The following FMN2 variants were observed in gnomAD, a reference collection of about 807,000 sequenced individuals.
FMN2 encodes the protein formin-2.
FMN2 carries 51 observed loss-of-function variants against 142.3 expected under a neutral mutation model. The observed-to-expected ratio is 0.36, with a 90% CI of 0.29 to 0.45. The LOEUF is 0.45. Among genes scored for constraint, FMN2 ranks in the 20% least tolerant of loss-of-function variants. FMN2 has a pLI of 1.00. For missense variants in FMN2, 1,936 were observed against 2,122.8 expected (o/e 0.91, Z 1.73); for synonymous variants, 882 against 869.8 (o/e 1.01, Z -0.25).
chr1:240,095,353 A>G (rs969450032), intron 1 of FMN2, among the ~76,000 whole-genome samples: 1 of 149,616 alleles, frequency 6.7e-6, no homozygotes, highest in African/African-American at 2.5e-5. Context: ...GCAAATATAT[A>G]TATGTATATA....
At chr1:240,256,714 G>A (rs1668462041) in intron 6 of FMN2, among the ~76,000 whole-genome samples, 1 of 152,126 alleles carries the variant, frequency 6.6e-6, no homozygotes, top group South Asian at 2.1e-4. Flanking sequence ...TCGTGCCACT[G>A]CACTCCTTCC....
At chr1:240,369,171 T>G (rs892651182) in intron 14 of FMN2, among the ~76,000 whole-genome samples, 24 of 152,140 alleles carry the variant, frequency 1.6e-4, no homozygotes, top group African/African-American at 5.6e-4. Flanking sequence ...TTCTACTCTT[T>G]GTTTCTAGGC....
chr1:240,440,209 G>T lies in FMN2; in HGVS notation c.5060+1999G>T, dbSNP rs1219136447. Among the ~76,000 whole-genome samples, 6 of 152,112 alleles carry T rather than the reference G, an allele frequency of 3.9e-5. No individual in the cohort carries two copies. The East Asian group carries it at 1.2e-3, about 29-fold the overall frequency. On this transcript the variant is annotated intron_variant, in intron 16 of 17. Transcript: ENST00000319653. Reference sequence around the variant, plus strand: ...GACACCCTCCCTGTCGCTTTCTTCTGCTAGCATAGACCAGAATATAAGCTG... The same window carrying T: ...GACACCCTCCCTGTCGCTTTCTTCTTCTAGCATAGACCAGAATATAAGCTG...
In FMN2 at chr1:240,355,823, A is replaced by C. The variant is rs1672246417; in HGVS notation, c.4773A>C (p.Glu1591Asp). The change falls in exon 14 of 18, where the codon GAA becomes GAC. Residue 1591 changes from glutamate (E) to aspartate (D), a missense_variant. This residue lies in a region of FMN2 where 322 missense variants were observed against 401.6 expected (regional missense o/e 0.80). Transcript: ENST00000319653. Reference protein sequence around the residue: ...RKLKKDLKACEVEAGKVYQVS... With the variant: ...RKLKKDLKACDVEAGKVYQVS... The stretch of plus-strand genomic sequence containing the variant: ...TGTTCTGTCTAATTTCAGCCTGTGA[A>C]GTTGAAGCAGGGAAAGTATACCAGG... 3 of 1,610,882 alleles carry C rather than the reference A, an allele frequency of 1.9e-6. No homozygotes were observed.
chr1:240,264,386 T>A (rs1668726500), intron 7 of FMN2, among the ~76,000 whole-genome samples: 1 of 152,230 alleles, frequency 6.6e-6, no homozygotes, highest in Admixed American at 6.5e-5. Flanking sequence ...TATTTATTTT[T>A]ATTTTTTTAT....
At chr1:240,184,978 C>CTTT in intron 3 of FMN2, among the ~76,000 whole-genome samples, 1 of 149,106 alleles carries the variant, frequency 6.7e-6, no homozygotes, top group African/African-American at 2.5e-5. Flanking sequence ...CTATACCTTC[C>CTTT]CCTTCTCTTT....
intron 7 of FMN2, among the ~76,000 whole-genome samples, chr1:240,290,283 A>G (rs1052928588): frequency 6.6e-5 from 10 of 152,140 alleles, no homozygotes; most frequent in Admixed American, 2.6e-4. Flanking sequence ...TTCATTTTTC[A>G]TTTTTTAACA....
At chr1:240,466,119 T>C (rs1010059662) in intron 16 of FMN2, among the ~76,000 whole-genome samples, 2 of 152,212 alleles carry the variant, frequency 1.3e-5, no homozygotes, top group African/African-American at 4.8e-5. Flanking sequence ...TTGTTGGTTT[T>C]GAAAAATACC....
intron 7 of FMN2, among the ~76,000 whole-genome samples, chr1:240,279,800 AAAG>A (rs1295319539): frequency 6.6e-6 from 1 of 152,198 alleles, no homozygotes; most frequent in African/African-American, 2.4e-5. Context: ...AGAAGAGAAA[AAAG>A]AAACCTTCAT....
At chr1:240,405,308 C>T (rs556833734) in intron 15 of FMN2, among the ~76,000 whole-genome samples, 1 of 152,124 alleles carries the variant, frequency 6.6e-6, no homozygotes, top group African/African-American at 2.4e-5. Flanking sequence ...AGGATAAGGG[C>T]TAGCAAATGA....
intron 16 of FMN2, among the ~76,000 whole-genome samples, chr1:240,453,174 G>A (rs1676116724): frequency 6.6e-6 from 1 of 152,170 alleles, no homozygotes; most frequent in South Asian, 2.1e-4. Context: ...GTTAATGTTA[G>A]TTGCTGCCAT....
intron 6 of FMN2, among the ~76,000 whole-genome samples, chr1:240,254,700 T>C (rs970227443): frequency 1.6e-4 from 24 of 152,196 alleles, no homozygotes; most frequent in Admixed American, 1.2e-3. Context: ...ATATGGCGGC[T>C]GCAAGAGGGG....
intron 2 of FMN2, among the ~76,000 whole-genome samples, chr1:240,131,212 A>G (rs1662721082): frequency 6.6e-6 from 1 of 152,230 alleles, no homozygotes. Context: ...CATTTTGCAC[A>G]CTACAGGCAT....
intron 7 of FMN2, among the ~76,000 whole-genome samples, chr1:240,287,090 A>G (rs958985362): frequency 6.6e-6 from 1 of 152,216 alleles, no homozygotes; most frequent in Non-Finnish European, 1.5e-5. Flanking sequence ...CCCAAAATGT[A>G]AAAGTTTCTA....
chr1:240,152,556 G>T (rs1056665149), intron 2 of FMN2, among the ~76,000 whole-genome samples: 1 of 152,058 alleles, frequency 6.6e-6, no homozygotes, highest in Non-Finnish European at 1.5e-5. Flanking sequence ...TACATACCAC[G>T]CTCTCTTCTT....
intron 7 of FMN2, among the ~76,000 whole-genome samples, chr1:240,259,184 G>T (rs558505614): frequency 1.3e-5 from 2 of 152,310 alleles, no homozygotes; most frequent in Non-Finnish European, 2.9e-5. Flanking sequence ...TCTAAAGCTG[G>T]CAGATGTAGC....
chr1:240,431,299 A>G (rs1351177417), intron 15 of FMN2, among the ~76,000 whole-genome samples: 8 of 151,516 alleles, frequency 5.3e-5, no homozygotes, highest in Admixed American at 1.3e-4. Flanking sequence ...TGGGATCAAT[A>G]TTAAGTTCAC....
At chr1:240,375,833 C>T (rs1558460287) in intron 14 of FMN2, among the ~76,000 whole-genome samples, 2 of 152,104 alleles carry the variant, frequency 1.3e-5, no homozygotes, top group Admixed American at 6.6e-5. Flanking sequence ...TATGTCTTTA[C>T]TGATTTTCTT....
intron 6 of FMN2, among the ~76,000 whole-genome samples, chr1:240,211,443 C>A (rs879633108): frequency 6.6e-6 from 1 of 152,214 alleles, no homozygotes; most frequent in Non-Finnish European, 1.5e-5. Context: ...GTGATAATGT[C>A]CCAACTTTTA....
Sources: gnomAD v4.1 joint callset for allele counts (sites outside exome capture counted in the v4.1 genomes callset) on GRCh38, gnomAD v4.1.1 for gene constraint, gnomAD v4.1.1 regional missense constraint, MANE v1.5 for transcripts, NCBI Gene and HGNC (gene_info 2026-07-23, HGNC 2026-07-21) for gene names.